Variants in SLC5A10 observed in about 807,000 individuals in gnomAD.
SLC5A10 encodes sodium/mannose cotransporter SLC5A10.
A neutral mutation model predicts 68.9 loss-of-function variants in SLC5A10; 55 were observed. That is an observed-to-expected ratio of 0.80 (90% confidence interval 0.64 to 1.00). SLC5A10 has a LOEUF of 1.00. Among genes scored for constraint, SLC5A10 ranks in the 50% least tolerant of loss-of-function variants. SLC5A10 has a pLI of 0.00. For missense variants in SLC5A10, 732 were observed against 819.3 expected (o/e 0.89, Z 1.30); for synonymous variants, 344 against 344.8 (o/e 1.00, Z 0.02).
chr17:18,977,898 G>A (rs1236212888), intron 9 of SLC5A10: 2 of 1,610,716 alleles, frequency 1.2e-6, no homozygotes, highest in Non-Finnish European at 1.7e-6. Context: ...TGGTCACTGA[G>A]GGTTACGTAG....
At chr17:18,969,589 TGGC>T in intron 7 of SLC5A10, 167 bp downstream of exon 7, 1 of 611,984 alleles carries the variant, frequency 1.6e-6, no homozygotes, top group Non-Finnish European at 2.8e-6. Context: ...GCCCCCCTGC[TGGC>T]CCCTCAGGGA....
chr17:18,978,610 G>A (rs375449100), intron 9 of SLC5A10: 28 of 1,613,086 alleles, frequency 1.7e-5, no homozygotes, highest in Non-Finnish European at 2.1e-5. Context: ...TCTTGGCCTT[G>A]ACAAGTGCGT....
In SLC5A10 at chr17:19,021,065, G is replaced by C. The variant is rs972295155; in HGVS notation, c.*634G>C. 6.5e-6 allele frequency: 1 copy of C among 152,736 alleles called. No individual in the cohort carries two copies. Among genetic ancestry groups the C allele is most frequent in the South Asian group, 2.1e-4 (1 of 4,828 alleles). 9.5% of individuals were successfully genotyped at this position (152,736 alleles called of 1,614,324 possible). On this transcript the variant is annotated 3_prime_UTR_variant, in exon 15 of 15. Coordinates refer to ENST00000395645, the MANE Select transcript of SLC5A10 (RefSeq NM_001042450.4). This position sits in a 1 kb window ranked among gnomAD's most constrained non-coding sequence, Gnocchi z 4.1. Reference sequence around the variant, plus strand: ...TTCTCTGGAGGACCCTCCTGTTCTCGGGTAGGGGCCGTGCCCCACCTAGGT... The same window carrying C: ...TTCTCTGGAGGACCCTCCTGTTCTCCGGTAGGGGCCGTGCCCCACCTAGGT...
chr17:18,960,461 G>A (rs915969669), intron 4 of SLC5A10, 87 bp from the exon 5 acceptor site: 3 of 1,145,454 alleles, frequency 2.6e-6, no homozygotes, highest in South Asian at 2.8e-5. Context: ...GTGGCGGGGG[G>A]AGAGGCAGAG....
Position 19,004,112 on chromosome 17 carries a change from G to C in SLC5A10, c.983-9298G>C, listed in dbSNP as rs1353708749. Reference sequence around the variant, plus strand: ...TCCAGCTCCTAGCTCCGGCCCAGCTGGGGCACCGCGCGCTCGGGGGCCTCT... The same window carrying C: ...TCCAGCTCCTAGCTCCGGCCCAGCTCGGGCACCGCGCGCTCGGGGGCCTCT... On this transcript the variant is annotated intron_variant, in intron 9 of 14. Coordinates refer to ENST00000395645, the MANE Select transcript of SLC5A10 (RefSeq NM_001042450.4). This position sits in a 1 kb window ranked among gnomAD's most constrained non-coding sequence, Gnocchi z 5.4. 2 of 1,458,332 alleles carry C rather than the reference G, an allele frequency of 1.4e-6. No homozygotes were observed. Among genetic ancestry groups the C allele is most frequent in the African/African-American group, 2.9e-5 (2 of 70,162 alleles). 90.3% of individuals were successfully genotyped at this position (1,458,332 alleles called of 1,614,324 possible). A position where few individuals can be genotyped will look rare whatever the true frequency, so the allele number is the denominator to read the frequency against.
intron 1 of SLC5A10, among the ~76,000 whole-genome samples, chr17:18,955,451 C>T (rs1210160405): frequency 6.6e-6 from 1 of 152,240 alleles, no homozygotes; most frequent in African/African-American, 2.4e-5. Flanking sequence ...TTGAAGCCAA[C>T]TCTGGCATGG....
At chr17:18,976,464 C>T (rs1316449158) in intron 8 of SLC5A10, 4 of 177,386 alleles carry the variant, frequency 2.3e-5, no homozygotes, top group Non-Finnish European at 4.7e-5. Context: ...GCTCCTGGCA[C>T]TATAAATGTG....
At chr17:19,010,109 G>A (rs146821855) in intron 9 of SLC5A10, among the ~76,000 whole-genome samples, 5 of 152,246 alleles carry the variant, frequency 3.3e-5, no homozygotes, top group African/African-American at 4.8e-5. Flanking sequence ...CCCCGGCAGC[G>A]GCTGGAGAGG....
chr17:18,973,511 G>A (rs1375809417), intron 8 of SLC5A10, among the ~76,000 whole-genome samples: 2 of 152,134 alleles, frequency 1.3e-5, no homozygotes, highest in African/African-American at 2.4e-5. Flanking sequence ...GCGGGGCCTC[G>A]GTCCAGAAAC....
At position 19,017,554 on chromosome 17, in the gene SLC5A10, G is replaced by A. The variant is rs1039854986; in HGVS notation, c.1242-1869G>A. Reference sequence around the variant, plus strand: ...TCTGTCCAGCTGAGCAGAGGCTGGAGGAGCCGTCACAGGCTGGGGGAGAGC... The same window carrying A: ...TCTGTCCAGCTGAGCAGAGGCTGGAAGAGCCGTCACAGGCTGGGGGAGAGC... On this transcript the variant is annotated intron_variant, in intron 11 of 14. Coordinates refer to ENST00000395645, the MANE Select transcript of SLC5A10 (RefSeq NM_001042450.4). This position sits in a 1 kb window ranked among gnomAD's most constrained non-coding sequence, Gnocchi z 5.6. 3 of 673,682 alleles carry A rather than the reference G, an allele frequency of 4.5e-6. No individual in the cohort carries two copies. In the African/African-American group the frequency reaches 5.4e-5, roughly 12 times the overall value. 41.7% of individuals were successfully genotyped at this position (673,682 alleles called of 1,614,324 possible).
rs2044165922 is a variant in SLC5A10, at chr17:19,017,542, G to A, written c.1242-1881G>A. 1.4e-6 allele frequency: 1 copy of A among 731,258 alleles called. No homozygotes were observed. Among genetic ancestry groups the A allele is most frequent in the Non-Finnish European group, 2.2e-6 (1 of 445,602 alleles). The allele number at this position is 731,258 out of a possible 1,614,324, so 45.3% of individuals were successfully genotyped here. Reference sequence around the variant, plus strand: ...GACCCTGATGGCTCTGTCCAGCTGAGCAGAGGCTGGAGGAGCCGTCACAGG... The same window carrying A: ...GACCCTGATGGCTCTGTCCAGCTGAACAGAGGCTGGAGGAGCCGTCACAGG... On this transcript the variant is annotated intron_variant, in intron 11 of 14. Transcript: ENST00000395645. The surrounding 1 kb of genome is among the most constrained non-coding windows in gnomAD (Gnocchi z 5.6).
intron 9 of SLC5A10, 172 bp from the exon 10 acceptor site, chr17:19,013,238 C>T: frequency 1.0e-6 from 1 of 983,782 alleles, no homozygotes; most frequent in Non-Finnish European, 1.5e-6. Flanking sequence ...TTTCAGAGGC[C>T]ATGCCCTCCC....
chr17:18,995,185 T>C (rs888699875), intron 9 of SLC5A10, among the ~76,000 whole-genome samples: 6 of 151,822 alleles, frequency 4.0e-5, no homozygotes, highest in Non-Finnish European at 8.8e-5. Flanking sequence ...TCCATCAAAA[T>C]CAACCAAAAA....
chr17:19,012,317 G>A (rs551271417), intron 9 of SLC5A10, among the ~76,000 whole-genome samples: 1 of 152,352 alleles, frequency 6.6e-6, no homozygotes, highest in Admixed American at 6.5e-5. Flanking sequence ...CCCCACACAG[G>A]GCAGGAGGCC....
intron 8 of SLC5A10, chr17:18,976,639 G>A: frequency 3.4e-6 from 2 of 592,490 alleles, no homozygotes; most frequent in Non-Finnish European, 5.9e-6. Context: ...CTGGGAATGA[G>A]TGTACCTCGG....
chr17:18,959,221 G>A lies in SLC5A10; in HGVS notation c.270G>A (p.Val90=), dbSNP rs2042565628. 6.2e-7 allele frequency: 1 copy of A among 1,613,300 alleles called. No homozygotes were observed. The highest frequency in any genetic ancestry group is 2.2e-5 in the East Asian group (1 of 44,886). ...AGSGAAGGLA[V]AGFEWNATYV... ...CAGGCGCGGCAGGAGGTCTGGCCGT[G>A]GCAGGCTTCGAGTGGAATGTGAGTC... The change falls in exon 3 of 15, where the codon GTG becomes GTA. Residue 90 remains valine, a synonymous_variant. Transcript: ENST00000395645.
chr17:18,977,240 G>A (rs1285677428), intron 9 of SLC5A10: 8 of 599,840 alleles, frequency 1.3e-5, no homozygotes, highest in East Asian at 2.9e-5. Context: ...CCTGTGCCCC[G>A]CCTTTTCCTC....
Position 19,005,655 on chromosome 17 carries a change from C to CCT in SLC5A10, c.983-7753_983-7752dup, listed in dbSNP as rs1567808973. On this transcript the variant is annotated intron_variant, in intron 9 of 14. Transcript: ENST00000395645. The stretch of plus-strand genomic sequence containing the variant: ...AGGCCTTGTGCCCTCAAACCCCCCC[C>CCT]CTCCAAGGCCTTCTCCACCATTCAT... Among the ~76,000 whole-genome samples, 3 of 152,084 alleles carry CCT rather than the reference C, an allele frequency of 2.0e-5. No homozygotes were observed. In the South Asian group the frequency reaches 6.3e-4, roughly 32 times the overall value.
chr17:18,990,695 A>C (rs557266866), intron 9 of SLC5A10, among the ~76,000 whole-genome samples: 26 of 152,286 alleles, frequency 1.7e-4, no homozygotes, highest in African/African-American at 5.5e-4. Context: ...GGATCCCCCC[A>C]CAGTCCTGGC....
Sources: gnomAD v4.1 joint callset for allele counts (sites outside exome capture counted in the v4.1 genomes callset) on GRCh38, gnomAD v4.1.1 for gene constraint, Gnocchi (gnomAD v3.1) non-coding constraint, MANE v1.5 for transcripts, NCBI Gene and HGNC (gene_info 2026-07-23, HGNC 2026-07-21) for gene names.